PCDH10: variants seen among roughly 807,000 people sequenced by gnomAD.
PCDH10 encodes protocadherin-10.
PCDH10 carries 15 observed loss-of-function variants against 74.4 expected under a neutral mutation model. That is an observed-to-expected ratio of 0.20 (90% CI 0.13 to 0.31). PCDH10 has a LOEUF of 0.31. Ranked by LOEUF, PCDH10 falls within the 10% of genes least tolerant of loss-of-function variation. The probability of loss-of-function intolerance (pLI) is 1.00; values close to 1 mark genes in which losing one functional copy is unlikely to be tolerated. For synonymous variants in PCDH10, 619 were observed against 589.8 expected (o/e 1.05, Z -0.72); for missense variants, 1,260 against 1,390.2 (o/e 0.91, Z 1.49).
At chr4:133,183,188 T>A (rs945166234) in intron 4 of PCDH10, among the ~76,000 whole-genome samples, 3 of 152,092 alleles carry the variant, frequency 2.0e-5, no homozygotes, top group Non-Finnish European at 4.4e-5. Flanking sequence ...AGAAGTATTA[T>A]TAAATCAAAC....
intron 4 of PCDH10, among the ~76,000 whole-genome samples, chr4:133,175,977 C>A (rs1578570276): frequency 6.6e-6 from 1 of 152,236 alleles, no homozygotes; most frequent in East Asian, 1.9e-4. Flanking sequence ...GCACAACGTG[C>A]TCACCTGGTT....
intron 4 of PCDH10, among the ~76,000 whole-genome samples, chr4:133,186,522 TTC>T (rs1727544456): frequency 6.6e-6 from 1 of 152,114 alleles, no homozygotes; most frequent in Non-Finnish European, 1.5e-5. Context: ...AGCATAGAGA[TTC>T]TCTGTGTATT....
At chr4:133,196,297 TG>T (rs1560717880), downstream of PCDH10, among the ~76,000 whole-genome samples, 1 of 152,104 alleles carries the variant, frequency 6.6e-6, no homozygotes. Flanking sequence ...ATTTGGTGGG[TG>T]GGGGGACCAG....
At position 133,151,107 on chromosome 4, in the gene PCDH10, G is replaced by T; in HGVS notation, c.967G>T (p.Val323Leu). 1 of 1,614,126 alleles carries T rather than the reference G, an allele frequency of 6.2e-7. No individual in the cohort carries two copies. The highest frequency in any genetic ancestry group is 8.5e-7 in the Non-Finnish European group (1 of 1,180,018). The change falls in exon 1 of 5, where the codon GTG becomes TTG. Residue 323 changes from valine to leucine, a missense_variant. Around this residue, in one of 11 missense-constraint regions of PCDH10, gnomAD observed 192 missense variants for 161.2 expected, o/e 1.19. Coordinates refer to ENST00000264360, the MANE Select transcript of PCDH10 (RefSeq NM_032961.3). The stretch of plus-strand genomic sequence containing the variant: ...CGAGTTGGACTATGAAGAGAGCCCA[G>T]TGTACCAAGTGTACGTGCAAGCCAA... Reference protein sequence around the residue: ...SGELDYEESPVYQVYVQAKDL... With the variant: ...SGELDYEESPLYQVYVQAKDL...
intron 4 of PCDH10, among the ~76,000 whole-genome samples, chr4:133,179,514 T>G (rs1727365915): frequency 6.6e-6 from 1 of 152,166 alleles, no homozygotes; most frequent in Admixed American, 6.6e-5. Context: ...CATTCTGTTC[T>G]TCTGACATCC....
At chr4:133,180,557 T>C (rs746665146) in intron 4 of PCDH10, among the ~76,000 whole-genome samples, 2 of 152,012 alleles carry the variant, frequency 1.3e-5, no homozygotes, top group Non-Finnish European at 2.9e-5. Flanking sequence ...ATGTAGGTAG[T>C]TTTGTACACT....
chr4:133,196,124 A>T (rs2125875913), downstream of PCDH10, among the ~76,000 whole-genome samples: 1 of 152,326 alleles, frequency 6.6e-6, no homozygotes, highest in African/African-American at 2.4e-5. Flanking sequence ...ACTGCCTAAC[A>T]GGTTCACCTT....
At chr4:133,164,696 G>A (rs1305748477) in intron 4 of PCDH10, among the ~76,000 whole-genome samples, 4 of 151,402 alleles carry the variant, frequency 2.6e-5, no homozygotes, top group Non-Finnish European at 5.9e-5. Flanking sequence ...AACATTTACA[G>A]ATGTCTTTTC....
intron 2 of PCDH10, among the ~76,000 whole-genome samples, chr4:133,206,162 T>C (rs1353134518): frequency 1.3e-5 from 2 of 152,142 alleles, no homozygotes; most frequent in Non-Finnish European, 1.5e-5. Flanking sequence ...AAGAGAAATA[T>C]TTTCAGGTCT....
intron 3 of PCDH10, among the ~76,000 whole-genome samples, chr4:133,157,471 G>T (rs2125861191): frequency 6.6e-6 from 1 of 152,046 alleles, no homozygotes; most frequent in African/African-American, 2.4e-5. Context: ...TTCCAATTTT[G>T]CAAAATTAGG....
intron 2 of PCDH10, 63 bp from the exon 3 acceptor site, chr4:133,154,854 G>T: frequency 1.7e-6 from 2 of 1,157,572 alleles, no homozygotes; most frequent in Non-Finnish European, 2.6e-6. Flanking sequence ...TGTGGTGGCA[G>T]AAGAATGTTT....
At chr4:133,184,244 A>T (rs994680029) in intron 4 of PCDH10, among the ~76,000 whole-genome samples, 4 of 152,118 alleles carry the variant, frequency 2.6e-5, no homozygotes, top group African/African-American at 9.7e-5. Context: ...AAAATAGAAT[A>T]AAAAAGCATT....
intron 3 of PCDH10, among the ~76,000 whole-genome samples, chr4:133,157,550 T>A (rs1220381806): frequency 6.6e-6 from 1 of 152,132 alleles, no homozygotes; most frequent in Non-Finnish European, 1.5e-5. Flanking sequence ...AATAAGCAAA[T>A]CTCACTTAAC....
rs551508926 is a variant in PCDH10 at position 133,154,355 on chromosome 4, C to A, written c.2680C>A (p.Arg894=). ...ELSYLVDRPR[R]VNSSAFQEAD... ...CAGCTATCTAGTTGACAGACCTCGCCGAGTTAACAGGTATGGACTCTTTTT... is the reference window on the plus strand; with the variant it reads ...CAGCTATCTAGTTGACAGACCTCGCAGAGTTAACAGGTATGGACTCTTTTT... The change falls in exon 2 of 5, where the codon CGA becomes AGA. Residue 894 remains arginine (R), a synonymous_variant. Transcript: ENST00000264360. 6.2e-7 allele frequency: 1 copy of A among 1,603,218 alleles called. No homozygotes were observed. The highest frequency in any genetic ancestry group is 1.1e-5 in the South Asian group (1 of 89,510).
chr4:133,182,517 C>T (rs1179692847), intron 4 of PCDH10, among the ~76,000 whole-genome samples: 1 of 151,960 alleles, frequency 6.6e-6, no homozygotes, highest in African/African-American at 2.4e-5. Flanking sequence ...TTTAAGGATA[C>T]TTCATTGATA....
Position 133,192,986 on chromosome 4 carries a change from G to C in PCDH10, c.*2826G>C, listed in dbSNP as rs982699642. 2 of 150,548 alleles carry C rather than the reference G, an allele frequency of 1.3e-5. No individual in the cohort carries two copies. The highest frequency in any genetic ancestry group is 3.0e-5 in the Non-Finnish European group (2 of 67,446). The allele number at this position is 150,548 out of a possible 1,614,324, so 9.3% of individuals were successfully genotyped here. On this transcript the variant is annotated 3_prime_UTR_variant, in exon 5 of 5. Coordinates refer to ENST00000264360, the MANE Select transcript of PCDH10 (RefSeq NM_032961.3). ...TATACATCAAAGAATAATATCCATC[G>C]TATTAGACAGTATTTCGTCAATAAA...
chr4:133,181,834 G>A (rs182619430), intron 4 of PCDH10, among the ~76,000 whole-genome samples: 6 of 152,050 alleles, frequency 3.9e-5, no homozygotes, highest in Non-Finnish European at 5.9e-5. Flanking sequence ...CTGTTTCTAC[G>A]TTGTATGTCT....
chr4:133,164,842 G>C (rs1029500782), intron 4 of PCDH10, among the ~76,000 whole-genome samples: 2 of 150,616 alleles, frequency 1.3e-5, no homozygotes, highest in Non-Finnish European at 3.0e-5. Flanking sequence ...ATCTGATTCA[G>C]GGATTATGAA....
chr4:133,206,346 C>T (rs1484761033), intron 2 of PCDH10, among the ~76,000 whole-genome samples: 1 of 152,142 alleles, frequency 6.6e-6, no homozygotes, highest in Admixed American at 6.6e-5. Flanking sequence ...TAATAAATCT[C>T]GTGTCTCTTA....
Sources: allele counts gnomAD v4.1 joint callset (sites outside exome capture counted in the v4.1 genomes callset), GRCh38; gene constraint gnomAD v4.1.1; regional missense constraint gnomAD v4.1.1; transcripts MANE v1.5; gene names NCBI Gene and HGNC (gene_info 2026-07-23, HGNC 2026-07-21).